The following ZSWIM6 variants were observed in gnomAD, a reference collection of about 807,000 sequenced individuals.
The protein encoded by ZSWIM6 is zinc finger SWIM-type containing 6.
In ZSWIM6, 9 loss-of-function variants were observed where a neutral mutation model predicts 113.2. The observed-to-expected ratio is 0.08, with a 90% CI of 0.05 to 0.14. The LOEUF (loss-of-function observed/expected upper bound fraction) is 0.14, where lower values mean the gene tolerates loss of function less well. Among genes scored for constraint, ZSWIM6 ranks in the 10% least tolerant of loss-of-function variants. The probability of loss-of-function intolerance (pLI) is 1.00; values close to 1 mark genes in which losing one functional copy is unlikely to be tolerated. For missense variants in ZSWIM6, 1,162 were observed against 1,552.2 expected (o/e 0.75, Z 4.22); for synonymous variants, 611 against 606.5 (o/e 1.01, Z -0.11).
chr5:61,337,284 C>CT (rs1043399383), intron 1 of ZSWIM6, among the ~76,000 whole-genome samples: 8 of 147,280 alleles, frequency 5.4e-5, no homozygotes, highest in African/African-American at 1.7e-4. Flanking sequence ...GTCTCCCCCC[C>CT]CAAAAAAAAC....
chr5:61,351,932 C>G (rs1190410962), intron 1 of ZSWIM6, among the ~76,000 whole-genome samples: 1 of 152,192 alleles, frequency 6.6e-6, no homozygotes, highest in Non-Finnish European at 1.5e-5. Context: ...ACAGGCAGGG[C>G]TCAGCTCTTA....
intron 1 of ZSWIM6, among the ~76,000 whole-genome samples, chr5:61,392,178 A>T (rs902693950): frequency 6.6e-6 from 1 of 152,158 alleles, no homozygotes; most frequent in Non-Finnish European, 1.5e-5. Flanking sequence ...AGTAGTGTTG[A>T]TGAATTTGCA....
chr5:61,443,131 A>T (rs193294210), intron 1 of ZSWIM6, among the ~76,000 whole-genome samples: 87 of 152,316 alleles, frequency 5.7e-4, no homozygotes, highest in African/African-American at 2.0e-3. Flanking sequence ...AGTCTTTGTC[A>T]TGAACTCCCC....
At chr5:61,388,038 A>G (rs549290758) in intron 1 of ZSWIM6, among the ~76,000 whole-genome samples, 1 of 142,276 alleles carries the variant, frequency 7.0e-6, no homozygotes, top group East Asian at 2.2e-4. Context: ...GCTGGAGTGC[A>G]GTGGCATGAA....
intron 1 of ZSWIM6, among the ~76,000 whole-genome samples, chr5:61,426,564 A>G: frequency 6.6e-6 from 1 of 152,182 alleles, no homozygotes; most frequent in Middle Eastern, 3.2e-3. Flanking sequence ...TAATCTGTTC[A>G]TATTCCAGTT....
intron 1 of ZSWIM6, among the ~76,000 whole-genome samples, chr5:61,352,881 C>T (rs755558322): frequency 2.3e-4 from 35 of 152,144 alleles, no homozygotes; most frequent in Non-Finnish European, 4.6e-4. Context: ...TGCTCACATG[C>T]ATAGGTCAGT....
intron 1 of ZSWIM6, among the ~76,000 whole-genome samples, chr5:61,352,174 T>C (rs1344664338): frequency 6.6e-6 from 1 of 152,224 alleles, no homozygotes; most frequent in Non-Finnish European, 1.5e-5. Context: ...TGGAATGCTC[T>C]TCTGTGCTTG....
chr5:61,455,104 A>T (rs925286962), intron 1 of ZSWIM6, among the ~76,000 whole-genome samples: 1 of 152,124 alleles, frequency 6.6e-6, no homozygotes, highest in Non-Finnish European at 1.5e-5. Context: ...GTTAGATTTA[A>T]ATAGTTTATC....
At chr5:61,404,098 C>T (rs1030053402) in intron 1 of ZSWIM6, among the ~76,000 whole-genome samples, 15 of 151,900 alleles carry the variant, frequency 9.9e-5, no homozygotes, top group African/African-American at 3.6e-4. Context: ...AGCTCCGCCT[C>T]CCGGGTTCAC....
chr5:61,348,779 A>G (rs886872975), intron 1 of ZSWIM6, among the ~76,000 whole-genome samples: 2 of 152,182 alleles, frequency 1.3e-5, no homozygotes, highest in Non-Finnish European at 2.9e-5. Flanking sequence ...GTTTCTTCTT[A>G]AAAATCTGTA....
At chr5:61,447,021 A>G (rs1383061290) in intron 1 of ZSWIM6, among the ~76,000 whole-genome samples, 1 of 152,144 alleles carries the variant, frequency 6.6e-6, no homozygotes, top group Non-Finnish European at 1.5e-5. Context: ...CTGTTTCCAT[A>G]GGTGTTTGAT....
intron 1 of ZSWIM6, among the ~76,000 whole-genome samples, chr5:61,363,862 TTCCTTCCTTCCC>T (rs1209646931): frequency 9.0e-6 from 1 of 111,258 alleles, no homozygotes; most frequent in East Asian, 2.0e-4. Flanking sequence ...TTTTCCTTCC[TTCCTTCCTTCCC>T]TCCTTCCTTC....
At chr5:61,537,910 T>G (rs1442247740) in intron 10 of ZSWIM6, among the ~76,000 whole-genome samples, 1 of 152,240 alleles carries the variant, frequency 6.6e-6, no homozygotes, top group Non-Finnish European at 1.5e-5. Context: ...ATATTTGCTT[T>G]GCTTTTAGAA....
chr5:61,421,624 C>T (rs1746356905), intron 1 of ZSWIM6, among the ~76,000 whole-genome samples: 1 of 152,214 alleles, frequency 6.6e-6, no homozygotes. Context: ...TTTTCTGCTC[C>T]TCTTTCTCCT....
rs1237233690 is a variant in ZSWIM6 at position 61,332,698 on chromosome 5, TGGCGGCGGCGGCGCGGGC to T, written c.440_457del (p.Ala147_Gly152del). On this transcript the variant is annotated inframe_deletion, in exon 1 of 14. Transcript: ENST00000252744. ...CGGGCGGCCCCGGCGACGACAGCGG[TGGCGGCGGCGGCGCGGGC>T]GGCGGCGGCGGCGGCGGCTCCTCGT... 6 of 967,222 alleles carry T rather than the reference TGGCGGCGGCGGCGCGGGC, an allele frequency of 6.2e-6. No homozygotes were observed. The highest frequency in any genetic ancestry group is 7.3e-6 in the Non-Finnish European group (6 of 819,402). The allele number at this position is 967,222 out of a possible 1,614,324, so 59.9% of individuals were successfully genotyped here. A position where few individuals can be genotyped will look rare whatever the true frequency, so the allele number is the denominator to read the frequency against.
chr5:61,479,280 AAAG>A (rs1561254667), intron 2 of ZSWIM6, among the ~76,000 whole-genome samples: 1 of 151,846 alleles, frequency 6.6e-6, no homozygotes, highest in African/African-American at 2.4e-5. Flanking sequence ...CTTTAGTGCC[AAAG>A]AAGTAGTGCC....
At chr5:61,450,160 G>A (rs144224770) in intron 1 of ZSWIM6, among the ~76,000 whole-genome samples, 29 of 152,180 alleles carry the variant, frequency 1.9e-4, no homozygotes, top group African/African-American at 6.0e-4. Flanking sequence ...TCCTCAGCCC[G>A]CTTTTTCCAT....
chr5:61,454,728 T>A (rs1435762500), intron 1 of ZSWIM6, among the ~76,000 whole-genome samples: 1 of 151,932 alleles, frequency 6.6e-6, no homozygotes, highest in Non-Finnish European at 1.5e-5. Flanking sequence ...ACTAGAGGCA[T>A]GCACTACCAC....
intron 1 of ZSWIM6, among the ~76,000 whole-genome samples, chr5:61,439,827 CT>C (rs1180980915): frequency 6.6e-6 from 1 of 152,008 alleles, no homozygotes; most frequent in Non-Finnish European, 1.5e-5. Context: ...TTAAAAAGAC[CT>C]TTGAAACGTT....
Sources: gnomAD v4.1 joint callset for allele counts (sites outside exome capture counted in the v4.1 genomes callset) on GRCh38, gnomAD v4.1.1 for gene constraint, MANE v1.5 for transcripts, NCBI Gene and HGNC (gene_info 2026-07-23, HGNC 2026-07-21) for gene names.